CLPTM1L: variants seen among roughly 807,000 people sequenced by gnomAD.
CLPTM1L encodes CLPTM1 like.
CLPTM1L carries 38 observed loss-of-function variants against 70.9 expected under a neutral mutation model. The ratio of observed to expected loss-of-function variants is 0.54; its 90% CI spans 0.41 to 0.70. The LOEUF (loss-of-function observed/expected upper bound fraction) is 0.70. Among genes scored for constraint, CLPTM1L ranks in the 30% least tolerant of loss-of-function variants. The pLI is 0.00. For missense variants in CLPTM1L, 652 were observed against 705.9 expected (o/e 0.92, Z 0.87); for synonymous variants, 339 against 299.9 (o/e 1.13, Z -1.35).
rs142714870 is a variant in CLPTM1L at position 1,338,411 on chromosome 5, G to T, written c.600-429C>A. 5.4e-3 allele frequency: 1,469 copies of T among 273,166 alleles called. 7 individuals are homozygous for T. The highest frequency in any genetic ancestry group is 0.012 in the Middle Eastern group (10 of 866). 16.9% of individuals were successfully genotyped at this position (273,166 alleles called of 1,614,324 possible). A position where few individuals can be genotyped will look rare whatever the true frequency, so the allele number is the denominator to read the frequency against. ...GGCGGAGCTGTGGCGCAGGAGTTGG[G>T]GGGGGGATCCCCAACACATGGGAGA... On this transcript the variant is annotated intron_variant, in intron 4 of 16. Transcript: ENST00000320895.
chr5:1,329,777 C>T (rs35009608), intron 9 of CLPTM1L, among the ~76,000 whole-genome samples: 60 of 58,298 alleles, frequency 1.0e-3, no homozygotes, highest in African/African-American at 3.2e-3. Flanking sequence ...GACTCTCTGC[C>T]TGGTGGACAG....
chr5:1,341,235 T>C (rs1753918122), intron 3 of CLPTM1L, among the ~76,000 whole-genome samples: 1 of 152,244 alleles, frequency 6.6e-6, no homozygotes. Flanking sequence ...ACCTTTTCCA[T>C]GATCTCCAAT....
chr5:1,344,611 C>G (rs921536875), intron 1 of CLPTM1L, 69 bp downstream of exon 1: 34 of 1,505,048 alleles, frequency 2.3e-5, no homozygotes, highest in Non-Finnish European at 3.1e-5. Context: ...GACGGGAAGG[C>G]GACGTCTGGG....
chr5:1,324,018 G>C (rs936907444), intron 11 of CLPTM1L, 149 bp from the exon 12 acceptor site: 6 of 647,992 alleles, frequency 9.3e-6, no homozygotes, highest in African/African-American at 1.8e-5. Flanking sequence ...GGCGTGAGGG[G>C]CACAGGCAGG....
At chr5:1,333,764 C>G (rs901095440) in intron 7 of CLPTM1L, among the ~76,000 whole-genome samples, 2 of 143,378 alleles carry the variant, frequency 1.4e-5, no homozygotes, top group Middle Eastern at 3.7e-3. Flanking sequence ...TGTATACACA[C>G]CGGATGAGGA....
At chr5:1,333,932 C>T (rs1011439838) in intron 7 of CLPTM1L, among the ~76,000 whole-genome samples, 1 of 152,096 alleles carries the variant, frequency 6.6e-6, no homozygotes, top group Non-Finnish European at 1.5e-5. Context: ...TGCATGGGGT[C>T]GGGGCCTGGG....
rs778832366 is a variant in CLPTM1L, at chr5:1,341,839, T to G, written c.285A>C (p.Pro95=). 6.2e-7 allele frequency: 1 copy of G among 1,613,626 alleles called. No individual in the cohort carries two copies. The highest frequency in any genetic ancestry group is 1.1e-5 in the South Asian group (1 of 91,054). ...GCGTCCCATTGTTTCTCGTTTTCTT[T>G]GGTACAGAAACATTAACTGTCCTGA... ...KFERTVNVSV[P]KKTRNNGTLY... is the part of the protein sequence containing the mutation. Residue 95 remains proline, a synonymous_variant, in exon 3 of 17, where the codon CCA becomes CCC. Transcript: ENST00000320895.
At position 1,335,125 on chromosome 5, in the gene CLPTM1L, T is replaced by C. The variant is rs749874280; in HGVS notation, c.728A>G (p.Lys243Arg). ...TELPLTVSYD[K>R]VSLGRLRFWI... is the part of the protein sequence containing the mutation. ...GAAGCGCAGCCGCCCCAGTGAGACC[T>C]TGTCGTAGGACACGGTGAGGGGCAG... Residue 243 changes from lysine (K) to arginine (R), a missense_variant, in exon 6 of 17, where the codon AAG (lysine) becomes AGG (arginine). Transcript: ENST00000320895. 9.9e-6 allele frequency: 16 copies of C among 1,613,586 alleles called. No individual in the cohort carries two copies. Among genetic ancestry groups the C allele is most frequent in the Non-Finnish European group, 1.3e-5 (15 of 1,180,010 alleles).
intron 5 of CLPTM1L, among the ~76,000 whole-genome samples, chr5:1,336,619 C>T (rs1388914753): frequency 6.6e-6 from 1 of 152,216 alleles, no homozygotes; most frequent in Non-Finnish European, 1.5e-5. Context: ...ACTTGCTGTC[C>T]TGAGGTTTGT....
At chr5:1,334,680 G>C (rs1373849195) in intron 6 of CLPTM1L, among the ~76,000 whole-genome samples, 1 of 152,032 alleles carries the variant, frequency 6.6e-6, no homozygotes, top group Non-Finnish European at 1.5e-5. Flanking sequence ...CTTGAATCCG[G>C]GGGGCGGAGG....
At chr5:1,324,505 A>C (rs1200233320) in intron 11 of CLPTM1L, among the ~76,000 whole-genome samples, 1 of 152,212 alleles carries the variant, frequency 6.6e-6, no homozygotes. Context: ...TGTGACTTAC[A>C]AACGATGAAA....
At chr5:1,334,252 C>T (rs367734806) in intron 7 of CLPTM1L, 37 bp downstream of exon 7, 189 of 1,543,578 alleles carry the variant, frequency 1.2e-4, no homozygotes, top group South Asian at 3.0e-4. Flanking sequence ...GGGAGCCCCC[C>T]AAGTGCCTGC....
chr5:1,338,464 C>T (rs530465292), intron 4 of CLPTM1L: 11 of 272,544 alleles, frequency 4.0e-5, no homozygotes, highest in South Asian at 7.4e-5. Flanking sequence ...TGGCCAAACA[C>T]GTGAATTCCA....
intron 4 of CLPTM1L, 95 bp downstream of exon 4, chr5:1,338,765 G>A (rs1400543734): frequency 1.4e-6 from 2 of 1,442,142 alleles, no homozygotes; most frequent in Non-Finnish European, 1.9e-6. Flanking sequence ...CCACAGAGGG[G>A]ACTCCACGGT....
intron 7 of CLPTM1L, among the ~76,000 whole-genome samples, chr5:1,332,538 G>A (rs576183543): frequency 4.6e-5 from 7 of 152,210 alleles, no homozygotes; most frequent in Non-Finnish European, 7.4e-5. Context: ...CCTGGGTGCC[G>A]CCTAACCACA....
rs1448812711 is a variant in CLPTM1L, at chr5:1,344,997, C to T, written c.-156G>A. ...GGGGGAACGAATGCGCCGCGCGCCG[C>T]AGACCGCCGGCCGCCCCGCATGCTC... On this transcript the variant is annotated 5_prime_UTR_variant, in exon 1 of 17. Coordinates refer to ENST00000320895, the MANE Select transcript of CLPTM1L (RefSeq NM_030782.5). 14 of 269,914 alleles carry T rather than the reference C, an allele frequency of 5.2e-5. No homozygotes were observed. Among genetic ancestry groups the T allele is most frequent in the Non-Finnish European group, 7.9e-5 (14 of 177,504 alleles). 16.7% of individuals were successfully genotyped at this position (269,914 alleles called of 1,614,324 possible). A position where few individuals can be genotyped will look rare whatever the true frequency, so the allele number is the denominator to read the frequency against.
Position 1,344,389 on chromosome 5 carries a change from C to A in CLPTM1L, c.225G>T (p.Leu75Phe). 1 of 1,613,928 alleles carries A rather than the reference C, an allele frequency of 6.2e-7. No individual in the cohort carries two copies. The highest frequency in any genetic ancestry group is 8.5e-7 in the Non-Finnish European group (1 of 1,179,998). The change falls in exon 2 of 17, where the codon TTG (leucine) becomes TTT (phenylalanine). Residue 75 changes from leucine (L) to phenylalanine (F), a missense_variant. By Grantham distance (22) the Leu-to-Phe change is conservative (BLOSUM62 0). This residue lies in a region of CLPTM1L where 402 missense variants were observed against 388.2 expected (regional missense o/e 1.04). Transcript: ENST00000320895. ...ACTCCACATCAAAGTCTTCCACATT[C>A]AAGACCAGGTCGATGTTGTTCTCAG... Reference protein sequence around the residue: ...LGAENNIDLVLNVEDFDVESK... With the variant: ...LGAENNIDLVFNVEDFDVESK...
intron 13 of CLPTM1L, among the ~76,000 whole-genome samples, chr5:1,322,539 A>G (rs34880677): frequency 0.13 from 19,642 of 152,258 alleles, 1,586 homozygotes; most frequent in Middle Eastern, 0.22. Flanking sequence ...ACAGTCATGC[A>G]CCACACAATG....
In CLPTM1L at chr5:1,342,005, G is replaced by C; in HGVS notation, c.264-145C>G. The C allele has an allele frequency of 1.6e-6, 1 of 623,000 alleles. No individual in the cohort carries two copies. Among genetic ancestry groups the C allele is most frequent in the Non-Finnish European group, 2.7e-6 (1 of 366,242 alleles). 38.6% of individuals were successfully genotyped at this position (623,000 alleles called of 1,614,324 possible). On this transcript the variant is annotated intron_variant, in intron 2 of 16. Coordinates refer to ENST00000320895, the MANE Select transcript of CLPTM1L (RefSeq NM_030782.5). This position sits in a 1 kb window ranked among gnomAD's most constrained non-coding sequence, Gnocchi z 4.3. ...GAAACCCACCTGCCCAGGGCTTTAC[G>C]AGTCGTGTGTGTGTGTGTGTGTGTG...
Sources: allele counts gnomAD v4.1 joint callset (sites outside exome capture counted in the v4.1 genomes callset), GRCh38; gene constraint gnomAD v4.1.1; regional missense constraint gnomAD v4.1.1; non-coding constraint Gnocchi (gnomAD v3.1); transcripts MANE v1.5; gene names NCBI Gene and HGNC (gene_info 2026-07-23, HGNC 2026-07-21).